The following EPM2A variants were observed in gnomAD, a reference collection of about 807,000 sequenced individuals.
The protein encoded by EPM2A is EPM2A glucan phosphatase, laforin.
EPM2A carries 21 observed loss-of-function variants against 26.5 expected under a neutral mutation model. The ratio of observed to expected loss-of-function variants is 0.79; its 90% CI spans 0.56 to 1.14. The LOEUF is 1.14. Ranked by LOEUF, EPM2A falls within the 50% of genes most tolerant of loss-of-function variation. The pLI is 0.00. For missense variants in EPM2A, 458 were observed against 440.8 expected, an observed-to-expected ratio of 1.04 and a Z score of -0.35; for synonymous variants, 217 against 177.6, an observed-to-expected ratio of 1.22 and a Z score of -1.76.
At chr6:145,459,890 A>C (rs1356107179) in intron 4 of EPM2A, among the ~76,000 whole-genome samples, 7 of 152,186 alleles carry the variant, frequency 4.6e-5, no homozygotes, top group Non-Finnish European at 1.0e-4. Context: ...GCAACAGCTG[A>C]AAAAGGCTTT....
At chr6:145,566,031 A>G (rs1780880315) in intron 2 of EPM2A, among the ~76,000 whole-genome samples, 2 of 152,210 alleles carry the variant, frequency 1.3e-5, no homozygotes, top group Admixed American at 1.3e-4. Flanking sequence ...GAATGAATGA[A>G]TGAATGTAGT....
At chr6:145,643,913 TGTG>T (rs1433093500) in intron 2 of EPM2A, among the ~76,000 whole-genome samples, 1 of 152,100 alleles carries the variant, frequency 6.6e-6, no homozygotes, top group Non-Finnish European at 1.5e-5. Flanking sequence ...CCCATATTAA[TGTG>T]GAGATGAGTC....
Position 145,735,493 on chromosome 6 carries a change from G to C in EPM2A, c.6C>G (p.Arg2=). M[R]FRFGVVVPPA... is the part of the protein sequence containing the mutation. ...GTGGCACCACCACCCCAAAGCGGAA[G>C]CGCATGGCGGGCGGCGGCGGCGCGA... The change falls in exon 1 of 4, where the codon CGC becomes CGG. Residue 2 remains arginine, a synonymous_variant. Coordinates refer to ENST00000367519, the MANE Select transcript of EPM2A (RefSeq NM_005670.4). The C allele has an allele frequency of 8.4e-7, 1 of 1,189,630 alleles. No individual in the cohort carries two copies. Among genetic ancestry groups the C allele is most frequent in the Non-Finnish European group, 1.0e-6 (1 of 961,340 alleles). 73.7% of individuals were successfully genotyped at this position (1,189,630 alleles called of 1,614,324 possible). A position where few individuals can be genotyped will look rare whatever the true frequency, so the allele number is the denominator to read the frequency against.
intron 2 of EPM2A, among the ~76,000 whole-genome samples, chr6:145,651,442 G>A (rs1777872959): frequency 6.6e-6 from 1 of 152,204 alleles, no homozygotes; most frequent in African/African-American, 2.4e-5. Flanking sequence ...GAGATTCTCA[G>A]AAGGGAGCTG....
intron 3 of EPM2A, among the ~76,000 whole-genome samples, chr6:145,502,071 A>T (rs2114751987): frequency 6.6e-6 from 1 of 152,350 alleles, no homozygotes; most frequent in East Asian, 1.9e-4. Context: ...CTAATTGGAC[A>T]TTGGGAGAAA....
chr6:145,567,334 TG>T (rs1780897371), intron 2 of EPM2A, among the ~76,000 whole-genome samples: 1 of 152,212 alleles, frequency 6.6e-6, no homozygotes, highest in Non-Finnish European at 1.5e-5. Context: ...CTGTCTTAGC[TG>T]GGATAATGAA....
rs950719022 is a variant in EPM2A, at chr6:145,564,156, T to TA, written c.341-61582dup. On this transcript the variant is annotated intron_variant, in intron 2 of 3. Coordinates refer to the EPM2A transcript ENST00000450221. ...GTACCTGTTTAGTGCAGACGCAATT[T>TA]AAAAAAAAATATTTTTAATCTGCAG... is the stretch of plus-strand genomic sequence containing the variant. Among the ~76,000 whole-genome samples, 31 of 151,714 alleles carry TA rather than the reference T, an allele frequency of 2.0e-4. 1 individual carries two copies. Among genetic ancestry groups the TA allele is most frequent in the South Asian group, 4.2e-4 (2 of 4,806 alleles).
At chr6:145,640,403 G>T (rs775304444) in intron 2 of EPM2A, 1 of 152,072 alleles carries the variant, frequency 6.6e-6, no homozygotes, top group African/African-American at 2.4e-5. Context: ...AAAAAGATGA[G>T]GAAAACCACA....
intron 4 of EPM2A, among the ~76,000 whole-genome samples, chr6:145,431,449 G>A (rs1778920361): frequency 6.6e-6 from 1 of 152,098 alleles, no homozygotes; most frequent in Non-Finnish European, 1.5e-5. Flanking sequence ...CCATGGAAAG[G>A]CAAATATTGC....
intron 4 of EPM2A, among the ~76,000 whole-genome samples, chr6:145,432,427 A>G (rs1778933556): frequency 6.6e-6 from 1 of 152,014 alleles, no homozygotes; most frequent in South Asian, 2.1e-4. Context: ...TGAAAACCAC[A>G]TTAATTTCCT....
chr6:145,627,744 C>T, intron 3 of EPM2A, 51 bp from the exon 4 acceptor site: 1 of 1,598,584 alleles, frequency 6.3e-7, no homozygotes, highest in Non-Finnish European at 8.5e-7. Flanking sequence ...CCACCAGATA[C>T]CGCCGCTGAG....
intron 1 of EPM2A, among the ~76,000 whole-genome samples, chr6:145,707,028 G>T (rs1010067623): frequency 2.0e-5 from 3 of 152,102 alleles, no homozygotes; most frequent in African/African-American, 7.2e-5. Context: ...CAGCAAGAAG[G>T]TATTATTTTG....
chr6:145,674,960 A>G (rs1395349524), intron 2 of EPM2A, among the ~76,000 whole-genome samples: 1 of 152,184 alleles, frequency 6.6e-6, no homozygotes, highest in Non-Finnish European at 1.5e-5. Flanking sequence ...CCTCAAGAAG[A>G]GCAACCACAA....
chr6:145,635,522 T>C, intron 2 of EPM2A, 36 bp from the exon 3 acceptor site: 1 of 1,610,456 alleles, frequency 6.2e-7, no homozygotes, highest in Non-Finnish European at 8.5e-7. Flanking sequence ...ATCACTAGTG[T>C]TGTTCTGATT....
intron 2 of EPM2A, among the ~76,000 whole-genome samples, chr6:145,619,150 G>A (rs1437209448): frequency 6.7e-6 from 1 of 150,210 alleles, no homozygotes; most frequent in East Asian, 1.9e-4. Context: ...GAAAGTATGG[G>A]AGGTCTGGCA....
rs1438847905 is a variant in EPM2A, at chr6:145,625,920, A to G, written c.*1496T>C. ...AAATACGCATCATAGTTTAATTAGG[A>G]AAGTAAGGGCTTTGAATCAAACCCA... On this transcript the variant is annotated 3_prime_UTR_variant, in exon 4 of 4. Coordinates refer to ENST00000367519, the MANE Select transcript of EPM2A (RefSeq NM_005670.4). 2.1e-6 allele frequency: 3 copies of G among 1,404,176 alleles called. No individual in the cohort carries two copies. The East Asian group carries it at 7.6e-5, about 36-fold the overall frequency. The allele number at this position is 1,404,176 out of a possible 1,614,324, so 87.0% of individuals were successfully genotyped here.
intron 4 of EPM2A, among the ~76,000 whole-genome samples, chr6:145,468,671 G>T (rs1260550850): frequency 6.6e-6 from 1 of 152,172 alleles, no homozygotes; most frequent in East Asian, 1.9e-4. Context: ...CTCAAACTAT[G>T]AAGCCACTAA....
At chr6:145,620,654 T>C (rs533523381), downstream of EPM2A, among the ~76,000 whole-genome samples, 1 of 152,348 alleles carries the variant, frequency 6.6e-6, no homozygotes, top group African/African-American at 2.4e-5. Flanking sequence ...TTGATAAGTA[T>C]GGTAATGACA....
intron 1 of EPM2A, among the ~76,000 whole-genome samples, chr6:145,724,520 T>C (rs1186310937): frequency 6.6e-6 from 1 of 152,082 alleles, no homozygotes; most frequent in Non-Finnish European, 1.5e-5. Flanking sequence ...CTAAAAAGTA[T>C]TTTGAAAAGC....
Sources: allele counts gnomAD v4.1 joint callset (sites outside exome capture counted in the v4.1 genomes callset), GRCh38; gene constraint gnomAD v4.1.1; transcripts MANE v1.5; gene names NCBI Gene and HGNC (gene_info 2026-07-23, HGNC 2026-07-21).